EIF2AK4: variants seen among roughly 807,000 people sequenced by gnomAD.
EIF2AK4 encodes the protein eIF-2-alpha kinase GCN2.
Under a neutral mutation model 211.1 loss-of-function variants are expected in EIF2AK4, and 139 were observed. The observed-to-expected ratio is 0.66, with a 90% confidence interval of 0.57 to 0.76. The LOEUF is 0.76. EIF2AK4 is among the 30% of genes least tolerant of loss of function. The probability of loss-of-function intolerance (pLI) is 0.00; values close to 1 mark genes in which losing one functional copy is unlikely to be tolerated. For missense variants in EIF2AK4, 1,664 were observed against 2,043.8 expected (o/e 0.81, Z 3.58); for synonymous variants, 710 against 751.3 (o/e 0.94, Z 0.90).
Position 39,934,310 on chromosome 15 carries a change from C to G in EIF2AK4, c.115C>G (p.Gln39Glu), listed in dbSNP as rs771007706. ...GGAGGCCATTTACGGCGCGGACTTC[C>G]AAGACCTGCGGCCGGACGCTTGCGG... Reference protein sequence around the residue: ...ALEAIYGADFQDLRPDACGPV... With the variant: ...ALEAIYGADFEDLRPDACGPV... Residue 39 changes from glutamine to glutamate, a missense_variant, in exon 1 of 39, where the codon CAA becomes GAA. Transcript: ENST00000263791. The G allele has an allele frequency of 1.9e-6, 3 of 1,611,618 alleles. No individual in the cohort carries two copies. In the African/African-American group the frequency reaches 4.0e-5, roughly 22 times the overall value.
intron 9 of EIF2AK4, among the ~76,000 whole-genome samples, chr15:39,971,877 CAG>C (rs1378245479): frequency 2.0e-5 from 3 of 152,110 alleles, no homozygotes; most frequent in Non-Finnish European, 4.4e-5. Context: ...TTTACTAGGT[CAG>C]GGGTATAGTA....
At chr15:39,998,257 G>GTTTTTTTTTTTTTTT (rs752625722) in intron 19 of EIF2AK4, among the ~76,000 whole-genome samples, 12 of 109,744 alleles carry the variant, frequency 1.1e-4, no homozygotes, top group Non-Finnish European at 1.6e-4. Context: ...TATGGGTGTG[G>GTTTTTTTTTTTTTTT]TTTTTTTTTT....
At chr15:39,977,945 G>A (rs2034724138) in intron 12 of EIF2AK4, 133 bp from the exon 13 acceptor site, 1 of 554,038 alleles carries the variant, frequency 1.8e-6, no homozygotes, top group African/African-American at 1.9e-5. Context: ...ACAGTGTAGA[G>A]TATACATTGA....
chr15:39,995,413 G>A (rs148067612), intron 18 of EIF2AK4, among the ~76,000 whole-genome samples: 2 of 150,812 alleles, frequency 1.3e-5, no homozygotes, highest in African/African-American at 2.4e-5. Context: ...TCCTGAAAGC[G>A]GCTCTACACC....
At chr15:39,969,356 C>CTTTTTTTT (rs10550245) in intron 9 of EIF2AK4, among the ~76,000 whole-genome samples, 60 of 101,300 alleles carry the variant, frequency 5.9e-4, no homozygotes, top group Non-Finnish European at 6.8e-4. Flanking sequence ...ATTTCTTATT[C>CTTTTTTTT]TTTTTTTTTT....
At chr15:40,029,503 A>AT (rs1179407092) in intron 34 of EIF2AK4, 39 bp downstream of exon 34, 1 of 1,596,532 alleles carries the variant, frequency 6.3e-7, no homozygotes, top group Non-Finnish European at 8.5e-7. Flanking sequence ...AATGATGCTT[A>AT]TATGTTTGCT....
chr15:39,972,840 T>C (rs775733257), intron 9 of EIF2AK4, 68 bp from the exon 10 acceptor site: 9 of 1,239,304 alleles, frequency 7.3e-6, no homozygotes, highest in Non-Finnish European at 1.1e-5. Context: ...CCATAGTTAA[T>C]GCCTTGGATT....
chr15:39,988,201 T>C lies in EIF2AK4; in HGVS notation c.2526+96T>C, dbSNP rs543080084. On this transcript the variant is annotated intron_variant, in intron 15 of 38. Coordinates refer to ENST00000263791, the MANE Select transcript of EIF2AK4 (RefSeq NM_001013703.4). ...ATGTAAGATTGGAGAAAAACTGAAATAGAGGGAAAGCTATGGGTATATTGA... is the reference window on the plus strand; with the variant it reads ...ATGTAAGATTGGAGAAAAACTGAAACAGAGGGAAAGCTATGGGTATATTGA... 5.7e-6 allele frequency: 8 copies of C among 1,403,952 alleles called. No individual in the cohort carries two copies. The African/African-American group carries it at 8.6e-5, about 15-fold the overall frequency. 87.0% of individuals were successfully genotyped at this position (1,403,952 alleles called of 1,614,324 possible).
chr15:39,946,474 C>T (rs2034228743), intron 3 of EIF2AK4: 2 of 671,516 alleles, frequency 3.0e-6, no homozygotes, highest in African/African-American at 3.6e-5. Context: ...GATTAGTTGC[C>T]TCTTATAGAT....
intron 32 of EIF2AK4, among the ~76,000 whole-genome samples, chr15:40,025,470 G>A (rs1410549383): frequency 1.3e-5 from 2 of 152,184 alleles, no homozygotes; most frequent in Non-Finnish European, 2.9e-5. Flanking sequence ...GTGCTGGCCA[G>A]GGGAGTGAAG....
chr15:40,007,107 A>G lies in EIF2AK4; in HGVS notation c.3407+42A>G, dbSNP rs747351115. On this transcript the variant is annotated intron_variant, in intron 24 of 38. Transcript: ENST00000263791. ...GATTCCATTTGGTAGACATAGGAAA[A>G]TAGTTGAATAATTTGTCAACCAGGA... is the stretch of plus-strand genomic sequence containing the variant. 44 of 1,467,872 alleles carry G rather than the reference A, an allele frequency of 3.0e-5. No homozygotes were observed. In the East Asian group the frequency reaches 8.9e-4, roughly 30 times the overall value. 90.9% of individuals were successfully genotyped at this position (1,467,872 alleles called of 1,614,324 possible).
At chr15:39,942,587 A>G (rs958144448) in intron 2 of EIF2AK4, among the ~76,000 whole-genome samples, 1 of 152,216 alleles carries the variant, frequency 6.6e-6, no homozygotes, top group Admixed American at 6.5e-5. Flanking sequence ...GTAAAATTAA[A>G]TAACTCCTAT....
chr15:40,027,263 T>TTATGTATTCA (rs1219596318), intron 33 of EIF2AK4, among the ~76,000 whole-genome samples: 4 of 152,188 alleles, frequency 2.6e-5, no homozygotes. Context: ...TCCTGTCTGT[T>TTATGTATTCA]TATGTATTCA....
chr15:40,016,109 T>C (rs559165461), intron 27 of EIF2AK4, among the ~76,000 whole-genome samples: 8 of 152,362 alleles, frequency 5.3e-5, no homozygotes, highest in Non-Finnish European at 7.3e-5. Context: ...AGTCAGACTT[T>C]GCCTTATTGT....
Position 40,017,254 on chromosome 15 carries a change from C to T in EIF2AK4, c.4065+12C>T. 1 of 1,594,476 alleles carries T rather than the reference C, an allele frequency of 6.3e-7. No individual in the cohort carries two copies. Among genetic ancestry groups the T allele is most frequent in the Non-Finnish European group, 8.6e-7 (1 of 1,164,932 alleles). ...GATATGACCTGCTGGTGAGGGCTTG[C>T]CCTTTATTTATTTGCTCTGACTTAA... On this transcript the variant is annotated intron_variant, in intron 29 of 38. Transcript: ENST00000263791.
At chr15:39,939,722 A>G in intron 2 of EIF2AK4, 105 bp downstream of exon 2, 3 of 846,012 alleles carry the variant, frequency 3.5e-6, no homozygotes, top group Non-Finnish European at 3.5e-6. Flanking sequence ...CTCCCATTCC[A>G]CATAAAATTT....
intron 16 of EIF2AK4, 70 bp from the exon 17 acceptor site, chr15:39,992,105 A>C (rs1200552999): frequency 1.5e-6 from 2 of 1,360,344 alleles, no homozygotes; most frequent in African/African-American, 2.9e-5. Context: ...CTTCATTTAG[A>C]AACAGACAAG....
intron 32 of EIF2AK4, among the ~76,000 whole-genome samples, chr15:40,024,184 A>G (rs1430779619): frequency 2.0e-5 from 3 of 151,460 alleles, no homozygotes; most frequent in Admixed American, 2.0e-4. Context: ...TGTTTACGTC[A>G]CTACCTTTCT....
intron 3 of EIF2AK4, among the ~76,000 whole-genome samples, chr15:39,947,408 T>C (rs1267847097): frequency 1.3e-5 from 2 of 152,224 alleles, no homozygotes; most frequent in African/African-American, 4.8e-5. Context: ...TGCTTATGAA[T>C]GATTTTTAAT....
Sources: gnomAD v4.1 joint callset for allele counts (sites outside exome capture counted in the v4.1 genomes callset) on GRCh38, gnomAD v4.1.1 for gene constraint, MANE v1.5 for transcripts, NCBI Gene and HGNC (gene_info 2026-07-23, HGNC 2026-07-21) for gene names.